COL6A5: variants seen among roughly 807,000 people sequenced by gnomAD.
The protein encoded by COL6A5 is collagen alpha-5(VI) chain.
A neutral mutation model predicts 65.6 loss-of-function variants in COL6A5; 48 were observed. That is an observed-to-expected ratio of 0.73 (90% CI 0.58 to 0.93). The LOEUF is 0.93. Ranked by LOEUF, COL6A5 falls within the 40% of genes least tolerant of loss-of-function variation. The pLI, the probability that COL6A5 is intolerant of heterozygous loss-of-function variation, is 0.00. For missense variants in COL6A5, 914 were observed against 928.3 expected (o/e 0.98, Z 0.20); for synonymous variants, 291 against 322.8 (o/e 0.90, Z 1.05).
chr3:130,407,502 G>A (rs1937033189), intron 17 of COL6A5, among the ~76,000 whole-genome samples: 1 of 152,232 alleles, frequency 6.6e-6, no homozygotes, highest in South Asian at 2.1e-4. Flanking sequence ...GTAGAAATCA[G>A]GTGAGAAGTG....
chr3:130,393,085 T>G (rs1187318140), intron 7 of COL6A5, among the ~76,000 whole-genome samples: 10 of 150,318 alleles, frequency 6.7e-5, no homozygotes, highest in African/African-American at 2.5e-4. Flanking sequence ...TTTGTGTGTG[T>G]GTGTGTGTGT....
rs761695159 is a variant in COL6A5, at chr3:130,455,438, GT to G, written c.1333-8del. 145 of 1,515,466 alleles carry G rather than the reference GT, an allele frequency of 9.6e-5. No individual in the cohort carries two copies. Among genetic ancestry groups the G allele is most frequent in the Middle Eastern group, 8.6e-4 (5 of 5,828 alleles). The allele number at this position is 1,515,466 out of a possible 1,614,324, so 93.9% of individuals were successfully genotyped here. ...CTAAAGTTATCTAGACTCACCTAAA[GT>G]TTTTTTTTCTTCTAGATTTGTTACT... On this transcript the variant is annotated splice_polypyrimidine_tract_variant and intron_variant, in intron 4 of 7. Coordinates refer to ENST00000512836, the Ensembl canonical transcript of COL6A5.
chr3:130,388,604 T>C, exon 6 of COL6A5: 1 of 1,546,578 alleles, frequency 6.5e-7, no homozygotes, highest in Middle Eastern at 1.7e-4. Context: ...AAGGCCGACA[T>C]CATGTTTCTG....
exon 8 of COL6A5, chr3:130,484,283 C>A: frequency 1.9e-6 from 1 of 528,090 alleles, no homozygotes; most frequent in East Asian, 3.0e-5. Context: ...GATTTCATTT[C>A]TCCTGAGAAC....
intron 2 of COL6A5, among the ~76,000 whole-genome samples, chr3:130,374,891 C>A (rs770648803): frequency 1.7e-4 from 26 of 152,046 alleles, no homozygotes; most frequent in South Asian, 1.0e-3. Context: ...ATAGGAAAAG[C>A]GAGAGAGCAT....
At chr3:130,429,515 A>G, upstream of COL6A5, 1 of 1,469,994 alleles carries the variant, frequency 6.8e-7, no homozygotes, top group Non-Finnish European at 9.2e-7. Context: ...TGTTTTTTGA[A>G]CTATTTTTAG....
chr3:130,445,545 A>G lies in COL6A5; in HGVS notation c.1332+1979A>G, dbSNP rs572267493. ...TACGTTGATACTGAGAGAGTGGGAC[A>G]GTAGTGGGAACAACAGACAGAATAG... On this transcript the variant is annotated intron_variant, in intron 4 of 7. Coordinates refer to ENST00000512836, the Ensembl canonical transcript of COL6A5. Among the ~76,000 whole-genome samples the G allele has an allele frequency of 1.7e-4, 26 of 152,300 alleles. No homozygotes were observed. In the South Asian group the frequency reaches 5.2e-3, roughly 30 times the overall value.
exon 6 of COL6A5, chr3:130,469,320 C>T: frequency 6.2e-7 from 1 of 1,612,938 alleles, no homozygotes; most frequent in Non-Finnish European, 8.5e-7. Flanking sequence ...CAAGGCTACT[C>T]CATATTTGTG....
chr3:130,397,464 C>T lies in COL6A5; in HGVS notation c.3569-119C>T, dbSNP rs147604903. 4 of 669,526 alleles carry T rather than the reference C, an allele frequency of 6.0e-6. No homozygotes were observed. The East Asian group carries it at 8.2e-5, about 14-fold the overall frequency. The allele number at this position is 669,526 out of a possible 1,614,324, so 41.5% of individuals were successfully genotyped here. ...CAGCCAGTATCTTCCTTCTTGAACACTATTTGGGGACTAGAGACCCTCTAG... is the reference window on the plus strand; with the variant it reads ...CAGCCAGTATCTTCCTTCTTGAACATTATTTGGGGACTAGAGACCCTCTAG... On this transcript the variant is annotated intron_variant and NMD_transcript_variant, in intron 8 of 41. Coordinates refer to the COL6A5 transcript ENST00000312481.
chr3:130,392,522 T>C (rs1451839591), intron 7 of COL6A5, among the ~76,000 whole-genome samples: 1 of 152,190 alleles, frequency 6.6e-6, no homozygotes, highest in Admixed American at 6.5e-5. Context: ...GGTTTGTTAT[T>C]GGCCCAGTCC....
At chr3:130,391,208 G>T in exon 7 of COL6A5, 1 of 1,551,392 alleles carries the variant, frequency 6.4e-7, no homozygotes, top group Non-Finnish European at 8.7e-7. Flanking sequence ...ACTAGACGTT[G>T]TGTTTGTGCT....
intron 5 of COL6A5, 90 bp downstream of exon 37, chr3:130,455,756 G>A: frequency 9.7e-7 from 1 of 1,029,346 alleles, no homozygotes; most frequent in Non-Finnish European, 1.4e-6. Context: ...AATTAAGGCT[G>A]GTATCTAAAG....
At chr3:130,391,457 C>G in exon 7 of COL6A5, 1 of 1,551,700 alleles carries the variant, frequency 6.4e-7, no homozygotes, top group Non-Finnish European at 8.7e-7. Flanking sequence ...GGCTCTCAAG[C>G]ACGCAAATGC....
intron 4 of COL6A5, among the ~76,000 whole-genome samples, chr3:130,380,709 G>A (rs1394181060): frequency 6.6e-6 from 1 of 152,124 alleles, no homozygotes. Context: ...TTAATAGCCA[G>A]GTGTGTCTAG....
intron 18 of COL6A5, 107 bp downstream of exon 18, chr3:130,409,495 AGGAGTAGGGGTGATAGGTGTTGG>A: frequency 2.1e-6 from 2 of 954,624 alleles, no homozygotes; most frequent in South Asian, 3.6e-5. Context: ...TGGTTGTCTT[AGGAGTAGGGGTGATAGGTGTTGG>A]CTGAGGCTTT....
At chr3:130,371,400 C>T (rs746521071) in intron 1 of COL6A5, among the ~76,000 whole-genome samples, 2 of 151,810 alleles carry the variant, frequency 1.3e-5, no homozygotes, top group Non-Finnish European at 2.9e-5. Flanking sequence ...AGTTGAAGGA[C>T]TCACACTTTC....
chr3:130,453,838 A>G (rs1377931482), intron 4 of COL6A5, among the ~76,000 whole-genome samples: 2 of 152,158 alleles, frequency 1.3e-5, no homozygotes, highest in Non-Finnish European at 2.9e-5. Context: ...AGCAAAATGG[A>G]AAGGTGAGTT....
chr3:130,421,196 G>A, exon 26 of COL6A5: 1 of 1,550,676 alleles, frequency 6.4e-7, no homozygotes, highest in Non-Finnish European at 8.7e-7. Flanking sequence ...GGACGAAAAG[G>A]AGTAAAGGTA....
chr3:130,372,293 C>G (rs76690138), intron 1 of COL6A5, among the ~76,000 whole-genome samples: 3,621 of 151,880 alleles, frequency 0.024, 149 homozygotes, highest in African/African-American at 0.082. Flanking sequence ...TATGATAAGA[C>G]CAAATATTTC....
Sources: gnomAD v4.1 joint callset for allele counts (sites outside exome capture counted in the v4.1 genomes callset) on GRCh38, gnomAD v4.1.1 for gene constraint, MANE v1.5 for transcripts, NCBI Gene and HGNC (gene_info 2026-07-23, HGNC 2026-07-21) for gene names.